MYO1E: variants seen among roughly 807,000 people sequenced by gnomAD.
MYO1E encodes unconventional myosin-Ie.
MYO1E carries 68 observed loss-of-function variants against 151.1 expected under a neutral mutation model. That is an observed-to-expected ratio of 0.45 (90% CI 0.37 to 0.55). The LOEUF is 0.55. Ranked by LOEUF, MYO1E falls within the 20% of genes least tolerant of loss-of-function variation. The pLI is 0.00. For synonymous variants in MYO1E, 601 were observed against 501.7 expected (o/e 1.20, Z -2.64); for missense variants, 1,363 against 1,389.3 (o/e 0.98, Z 0.30).
At chr15:59,266,279 C>T (rs552965488) in intron 2 of MYO1E, among the ~76,000 whole-genome samples, 2 of 152,252 alleles carry the variant, frequency 1.3e-5, no homozygotes, top group South Asian at 4.1e-4. Flanking sequence ...TGTCTTTACC[C>T]ACATAATCCT....
At chr15:59,251,379 T>G (rs1290439634) in intron 4 of MYO1E, among the ~76,000 whole-genome samples, 2 of 152,060 alleles carry the variant, frequency 1.3e-5, no homozygotes, top group African/African-American at 2.4e-5. Context: ...AAAAAGTCAG[T>G]GTCATGAAAA....
chr15:59,149,847 G>C (rs1596342141), intron 26 of MYO1E, among the ~76,000 whole-genome samples: 4 of 152,282 alleles, frequency 2.6e-5, no homozygotes, highest in Admixed American at 1.3e-4. Flanking sequence ...TTAGAACTTT[G>C]ATGTATAGGA....
intron 1 of MYO1E, among the ~76,000 whole-genome samples, chr15:59,367,169 GAAT>G (rs1462655377): frequency 6.6e-6 from 1 of 152,136 alleles, no homozygotes; most frequent in African/African-American, 2.4e-5. Flanking sequence ...AATTCCTAAT[GAAT>G]AATAAGGCCC....
At position 59,350,132 on chromosome 15, in the gene MYO1E, T is replaced by C. The variant is rs189969522; in HGVS notation, c.3+22366A>G. On this transcript the variant is annotated intron_variant, in intron 1 of 27. Transcript: ENST00000288235. The surrounding 1 kb of genome is among the most constrained non-coding windows in gnomAD (Gnocchi z 5.0). ...TGAATGAAAAGAGAATGGAAGCTAT[T>C]CTTACTTCATTTTTTAACAAATGAA... is the stretch of plus-strand genomic sequence containing the variant. Among the ~76,000 whole-genome samples, 10 of 152,354 alleles carry C rather than the reference T, an allele frequency of 6.6e-5. No individual in the cohort carries two copies. The highest frequency in any genetic ancestry group is 6.5e-4 in the Admixed American group (10 of 15,308).
At chr15:59,288,953 C>T (rs556091524) in intron 1 of MYO1E, among the ~76,000 whole-genome samples, 1 of 152,150 alleles carries the variant, frequency 6.6e-6, no homozygotes, top group Admixed American at 6.5e-5. Flanking sequence ...TTTAAACAAA[C>T]AACAAAGTGG....
chr15:59,300,381 T>A (rs138551022), intron 1 of MYO1E, among the ~76,000 whole-genome samples: 2 of 152,224 alleles, frequency 1.3e-5, no homozygotes, highest in Non-Finnish European at 2.9e-5. Flanking sequence ...ATTTCTGGTG[T>A]GCACACACAC....
chr15:59,261,495 A>G lies in MYO1E; in HGVS notation c.162T>C (p.Ser54=), dbSNP rs1236287497. The stretch of plus-strand genomic sequence containing the variant: ...TGAAAGGGTTGACTGAGATTAATAC[A>G]GATCCTATATATGTCTGAATTTAAC... ...MDDYIFTYIG[S]VLISVNPFKQ... is the part of the protein sequence containing the mutation. Residue 54 remains serine, a synonymous_variant, in exon 3 of 28, where the codon TCT becomes TCC. Coordinates refer to ENST00000288235, the MANE Select transcript of MYO1E (RefSeq NM_004998.4). The G allele has an allele frequency of 1.2e-6, 2 of 1,601,152 alleles. No individual in the cohort carries two copies. The highest frequency in any genetic ancestry group is 2.7e-5 in the African/African-American group (2 of 74,724).
At chr15:59,197,110 C>A (rs1203211007) in intron 16 of MYO1E, among the ~76,000 whole-genome samples, 1 of 148,556 alleles carries the variant, frequency 6.7e-6, no homozygotes. Context: ...CGCCTGCCTC[C>A]GCCTCCCGAG....
rs1470768264 is a variant in MYO1E, at chr15:59,159,187, G to A, written c.2786-808C>T. Among the ~76,000 whole-genome samples, 1 of 152,188 alleles carries A rather than the reference G, an allele frequency of 6.6e-6. No homozygotes were observed. The highest frequency in any genetic ancestry group is 2.4e-5 in the African/African-American group (1 of 41,448). The stretch of plus-strand genomic sequence containing the variant: ...ACAGCAAAGGAGCTGCAGCTCTAGG[G>A]CCTGGGAGAACCGACCACGTGGGAT... On this transcript the variant is annotated intron_variant, in intron 24 of 27. Coordinates refer to ENST00000288235, the MANE Select transcript of MYO1E (RefSeq NM_004998.4). The surrounding 1 kb of genome is among the most constrained non-coding windows in gnomAD (Gnocchi z 4.4).
chr15:59,253,017 A>G (rs1209138093), intron 4 of MYO1E, among the ~76,000 whole-genome samples: 5 of 152,274 alleles, frequency 3.3e-5, no homozygotes, highest in Non-Finnish European at 7.3e-5. Context: ...TACTGCGGTC[A>G]TGTCCAAAGG....
intron 1 of MYO1E, among the ~76,000 whole-genome samples, chr15:59,297,983 T>C (rs779641548): frequency 2.0e-5 from 3 of 152,214 alleles, no homozygotes; most frequent in Non-Finnish European, 4.4e-5. Flanking sequence ...ATCTTTCACA[T>C]TTTTGACTAG....
chr15:59,283,683 T>C (rs1250977042), intron 1 of MYO1E, among the ~76,000 whole-genome samples: 1 of 152,212 alleles, frequency 6.6e-6, no homozygotes, highest in African/African-American at 2.4e-5. Flanking sequence ...ATCTAATCCT[T>C]ACAACTTCAC....
At position 59,333,956 on chromosome 15, in the gene MYO1E, C is replaced by T. The variant is rs144786770; in HGVS notation, c.3+38542G>A. Among the ~76,000 whole-genome samples, 1,277 of 152,236 alleles carry T rather than the reference C, an allele frequency of 8.4e-3. 11 individuals carry two copies. The highest frequency in any genetic ancestry group is 0.024 in the Middle Eastern group (7 of 294). On this transcript the variant is annotated intron_variant, in intron 1 of 27. Transcript: ENST00000288235. ...TAAGCGACTTCCTGACTGAATAGAC[C>T]AATTGCACTCAGTTTTGTGGCAGTG...
At chr15:59,357,807 G>A (rs1240452617) in intron 1 of MYO1E, among the ~76,000 whole-genome samples, 1 of 152,082 alleles carries the variant, frequency 6.6e-6, no homozygotes, top group African/African-American at 2.4e-5. Flanking sequence ...TGGTTTAAAA[G>A]AAGAATTAGA....
Position 59,142,615 on chromosome 15 carries a change from C to T in MYO1E, c.3081-4248G>A, listed in dbSNP as rs187917010. On this transcript the variant is annotated intron_variant, in intron 26 of 27. Coordinates refer to ENST00000288235, the MANE Select transcript of MYO1E (RefSeq NM_004998.4). ...ATCCTCAACCTGAAAATCTTTCTAA[C>T]AGCTTCTCTCTGCTCTTGGAAAAAG... Among the ~76,000 whole-genome samples the T allele has an allele frequency of 3.3e-5, 5 of 152,270 alleles. No homozygotes were observed. The East Asian group carries it at 9.6e-4, about 29-fold the overall frequency.
Position 59,135,009 on chromosome 15 carries a change from A to G in MYO1E, c.*2371T>C, listed in dbSNP as rs1266179375. The G allele has an allele frequency of 6.6e-6, 1 of 152,224 alleles. No individual in the cohort carries two copies. The allele number at this position is 152,224 out of a possible 1,614,324, so 9.4% of individuals were successfully genotyped here. ...CATGTTGAATTTCTAAATATATACA[A>G]ATAAGTTTAAGATAAACCACTATTT... On this transcript the variant is annotated 3_prime_UTR_variant, in exon 28 of 28. Transcript: ENST00000288235.
intron 1 of MYO1E, among the ~76,000 whole-genome samples, chr15:59,372,216 C>T (rs2080950354): frequency 6.6e-6 from 1 of 152,088 alleles, no homozygotes; most frequent in African/African-American, 2.4e-5. Context: ...GATGCGCCCA[C>T]ACCCTGGCTT....
intron 4 of MYO1E, among the ~76,000 whole-genome samples, chr15:59,254,440 C>G (rs569846511): frequency 3.3e-5 from 5 of 152,142 alleles, no homozygotes; most frequent in Admixed American, 1.3e-4. Context: ...CCTCCTGCCC[C>G]CTGGCTTCCC....
rs144170157 is a variant in MYO1E at position 59,149,157 on chromosome 15, C to T, written c.3080+4433G>A. Among the ~76,000 whole-genome samples, 22 of 150,470 alleles carry T rather than the reference C, an allele frequency of 1.5e-4. No homozygotes were observed. In the East Asian group the frequency reaches 4.0e-3, roughly 27 times the overall value. On this transcript the variant is annotated intron_variant, in intron 26 of 27. Transcript: ENST00000288235. ...CTGCAAGCTCTGCCTCCTGGGTTCA[C>T]GCCATTCTCCCGCCTCAGCCTCCTG... is the stretch of plus-strand genomic sequence containing the variant.
Sources: allele counts gnomAD v4.1 joint callset (sites outside exome capture counted in the v4.1 genomes callset), GRCh38; gene constraint gnomAD v4.1.1; non-coding constraint Gnocchi (gnomAD v3.1); transcripts MANE v1.5; gene names NCBI Gene and HGNC (gene_info 2026-07-23, HGNC 2026-07-21).